Variants in CD99 observed in about 807,000 individuals in gnomAD.
CD99 encodes the protein CD99 molecule (Xg blood group), also known as CD99 antigen.
Under a neutral mutation model 28.4 loss-of-function variants are expected in CD99, and 19 were observed. The observed-to-expected ratio is 0.67, with a 90% confidence interval of 0.47 to 0.98. The LOEUF (loss-of-function observed/expected upper bound fraction) is 0.98. Among genes scored for constraint, CD99 ranks in the 50% least tolerant of loss-of-function variants. The pLI, the probability that CD99 is intolerant of heterozygous loss-of-function variation, is 0.00. For missense variants in CD99, 283 were observed against 248.8 expected (o/e 1.14, Z -0.92); for synonymous variants, 103 against 92.1 (o/e 1.12, Z -0.67).
intron 8 of CD99, among the ~76,000 whole-genome samples, chrX:2,732,505 CCTT>C (rs1443805207): frequency 3.3e-5 from 5 of 150,992 alleles, no homozygotes; most frequent in Non-Finnish European, 7.4e-5. Context: ...CCCCCTCCCT[CCTT>C]CTTTTCTCTC....
chrX:2,698,858 G>A (rs2047701710), intron 1 of CD99, among the ~76,000 whole-genome samples: 1 of 152,078 alleles, frequency 6.6e-6, no homozygotes, highest in Admixed American at 6.5e-5. Context: ...CCCATTGCGG[G>A]AAGCTTGGAA....
chrX:2,713,156 G>GCACCTACACACATGCACACATAA (rs1569436053), intron 1 of CD99, among the ~76,000 whole-genome samples: 1 of 150,564 alleles, frequency 6.6e-6, no homozygotes, highest in Non-Finnish European at 1.5e-5. Context: ...ACATATACAT[G>GCACCTACACACATGCACACATAA]CACCTACACA....
chrX:2,692,127 C>T, intron 1 of CD99: 6 of 593,508 alleles, frequency 1.0e-5, no homozygotes, highest in Non-Finnish European at 1.8e-5. Context: ...GTCACCCTCC[C>T]ACGCCCTAAA....
At chrX:2,721,165 G>A (rs1244345582) in intron 5 of CD99, among the ~76,000 whole-genome samples, 9 of 151,798 alleles carry the variant, frequency 5.9e-5, no homozygotes, top group East Asian at 5.8e-4. Context: ...AATGGTTGTC[G>A]AAAGTTTATA....
chrX:2,740,889 A>C lies in CD99; in HGVS notation c.*85A>C. On this transcript the variant is annotated 3_prime_UTR_variant, in exon 10 of 10. Transcript: ENST00000381192. ...CTCCTCCCTGAAGGACACCTGCCTG[A>C]GAGCAGAGATGGAGGCCTTCTGTTC... 6.9e-7 allele frequency: 1 copy of C among 1,448,586 alleles called. No individual in the cohort carries two copies. Among genetic ancestry groups the C allele is most frequent in the African/African-American group, 1.4e-5 (1 of 71,712 alleles). The allele number at this position is 1,448,586 out of a possible 1,614,324, so 89.7% of individuals were successfully genotyped here. A position where few individuals can be genotyped will look rare whatever the true frequency, so the allele number is the denominator to read the frequency against.
At position 2,730,263 on chromosome X, in the gene CD99, C is replaced by T. The variant is rs781713299; in HGVS notation, c.475+3890C>T. Among the ~76,000 whole-genome samples the T allele has an allele frequency of 1.7e-3, 255 of 151,594 alleles. 1 individual carries two copies. Among genetic ancestry groups the T allele is most frequent in the African/African-American group, 5.9e-3 (246 of 41,492 alleles). ...TCTCGGCTCACTGCAGCCTCTGCCTCCCGGGTTCAAGCGACTCTCCTGCCT... is the reference window on the plus strand; with the variant it reads ...TCTCGGCTCACTGCAGCCTCTGCCTTCCGGGTTCAAGCGACTCTCCTGCCT... On this transcript the variant is annotated intron_variant, in intron 8 of 9. Coordinates refer to ENST00000381192, the MANE Select transcript of CD99 (RefSeq NM_002414.5).
chrX:2,706,877 G>A (rs2048144352), intron 1 of CD99, among the ~76,000 whole-genome samples: 1 of 151,894 alleles, frequency 6.6e-6, no homozygotes, highest in African/African-American at 2.4e-5. Context: ...CTGGAGTGCA[G>A]TGGTGCGATC....
At chrX:2,714,295 T>C in intron 1 of CD99, 127 bp from the exon 2 acceptor site, 1 of 710,744 alleles carries the variant, frequency 1.4e-6, no homozygotes, top group African/African-American at 1.8e-5. Flanking sequence ...ACGCACCTTG[T>C]AAATTTTTTT....
rs146584551 is a variant in CD99, at chrX:2,729,512, A to G, written c.475+3139A>G. On this transcript the variant is annotated intron_variant, in intron 8 of 9. Coordinates refer to ENST00000381192, the MANE Select transcript of CD99 (RefSeq NM_002414.5). Reference sequence around the variant, plus strand: ...AGAACAGCATGGGGGAACCTTCGCTATGGTTCAGTGACCCCAACCTGGTCT... The same window carrying G: ...AGAACAGCATGGGGGAACCTTCGCTGTGGTTCAGTGACCCCAACCTGGTCT... Among the ~76,000 whole-genome samples the G allele has an allele frequency of 9.6e-3, 1,466 of 152,190 alleles. 26 individuals are homozygous for G. The highest frequency in any genetic ancestry group is 0.034 in the African/African-American group (1,395 of 41,508).
At chrX:2,734,742 T>G (rs1283654805) in intron 8 of CD99, among the ~76,000 whole-genome samples, 1 of 151,880 alleles carries the variant, frequency 6.6e-6, no homozygotes, top group Non-Finnish European at 1.5e-5. Flanking sequence ...TTTTCCTCAT[T>G]CTTTTCCTCT....
intron 2 of CD99, among the ~76,000 whole-genome samples, chrX:2,716,376 G>A (rs1248377888): frequency 6.6e-6 from 1 of 151,578 alleles, no homozygotes; most frequent in Non-Finnish European, 1.5e-5. Context: ...TCGCTGTGTT[G>A]CTCAGGTTGG....
chrX:2,734,496 G>C (rs759287821), intron 8 of CD99, among the ~76,000 whole-genome samples: 1 of 151,714 alleles, frequency 6.6e-6, no homozygotes, highest in Admixed American at 6.6e-5. Context: ...TAGTAGAGAC[G>C]GGGTTTCTCC....
At chrX:2,729,765 A>G (rs1245083508) in intron 8 of CD99, among the ~76,000 whole-genome samples, 11 of 152,170 alleles carry the variant, frequency 7.2e-5, no homozygotes, top group Non-Finnish European at 1.3e-4. Flanking sequence ...TCTTGGGTGG[A>G]AGCATTATCT....
At position 2,709,343 on chromosome X, in the gene CD99, A is replaced by G. The variant is rs182303668; in HGVS notation, c.68-5079A>G. 9.8e-5 allele frequency among the ~76,000 whole-genome samples: 15 copies of G among 152,306 alleles called. No homozygotes were observed. In the South Asian group the frequency reaches 2.5e-3, roughly 25 times the overall value. On this transcript the variant is annotated intron_variant, in intron 1 of 9. Coordinates refer to ENST00000381192, the MANE Select transcript of CD99 (RefSeq NM_002414.5). ...TCCTGCAGTGCACATGCACACCCATATATGCATGCACACAGGTGTGTGCTC... is the reference window on the plus strand; with the variant it reads ...TCCTGCAGTGCACATGCACACCCATGTATGCATGCACACAGGTGTGTGCTC...
intron 1 of CD99, 60 bp downstream of exon 1, chrX:2,691,487 TCCGCTTGAGATGCGGCGTTGGGGGCGCC>T: frequency 6.6e-7 from 1 of 1,524,118 alleles, no homozygotes; most frequent in Non-Finnish European, 8.8e-7. Flanking sequence ...GGACTGGGGA[TCCGCTTGAGATGCGGCGTTGGGGGCGCC>T]CCGCGGGGAC....
chrX:2,733,454 A>G, intron 8 of CD99: 1 of 1,455,206 alleles, frequency 6.9e-7, no homozygotes, highest in Non-Finnish European at 9.4e-7. Context: ...CCTTAAAGCA[A>G]ACCCTTCCAT....
intron 8 of CD99, among the ~76,000 whole-genome samples, chrX:2,735,596 T>C (rs2049891558): frequency 6.6e-6 from 1 of 152,202 alleles, no homozygotes; most frequent in South Asian, 2.1e-4. Context: ...TTATGCTTTT[T>C]AACCAATGAG....
chrX:2,719,554 GTATT>G, intron 3 of CD99, 103 bp from the exon 4 acceptor site: 2 of 884,452 alleles, frequency 2.3e-6, no homozygotes, highest in Non-Finnish European at 1.9e-6. Context: ...ATTCAGAAAA[GTATT>G]TAGGAATGTG....
chrX:2,723,498 T>C, intron 7 of CD99, 134 bp downstream of exon 7: 1 of 1,003,890 alleles, frequency 1.0e-6, no homozygotes. Context: ...GGGTGTTCTG[T>C]GCCAAGTGCT....
Sources: gnomAD v4.1 joint callset for allele counts (sites outside exome capture counted in the v4.1 genomes callset) on GRCh38, gnomAD v4.1.1 for gene constraint, MANE v1.5 for transcripts, NCBI Gene and HGNC (gene_info 2026-07-23, HGNC 2026-07-21) for gene names.